The following BRAF variants were observed in gnomAD, a reference collection of about 807,000 sequenced individuals.
BRAF encodes the protein serine/threonine-protein kinase B-raf.
In BRAF, 16 loss-of-function variants were observed where a neutral mutation model predicts 104.6. The observed-to-expected ratio is 0.15, with a 90% CI of 0.10 to 0.23. The LOEUF is 0.23. BRAF is among the 10% of genes least tolerant of loss of function. The pLI is 1.00. For missense variants in BRAF, 541 were observed against 937.3 expected (o/e 0.58, Z 5.52); for synonymous variants, 310 against 341.6 (o/e 0.91, Z 1.02).
At chr7:140,772,690 G>T (rs60144069) in intron 14 of BRAF, among the ~76,000 whole-genome samples, 12,328 of 152,000 alleles carry the variant, frequency 0.081, 1,633 homozygotes, top group African/African-American at 0.28. Flanking sequence ...AAGAAAACAG[G>T]AATATCCACT....
chr7:140,764,833 T>C (rs967857408), intron 14 of BRAF, among the ~76,000 whole-genome samples: 6 of 152,240 alleles, frequency 3.9e-5, no homozygotes, highest in Admixed American at 1.3e-4. Context: ...TCCATGCTCA[T>C]GGGTAGAAGA....
At chr7:140,781,490 T>C in intron 12 of BRAF, 86 bp downstream of exon 11, 1 of 1,255,032 alleles carries the variant, frequency 8.0e-7, no homozygotes, top group Admixed American at 1.7e-5. Context: ...AGTGAATATT[T>C]CCTTTGATGA....
At chr7:140,896,562 C>A (rs1245251700) in intron 1 of BRAF, among the ~76,000 whole-genome samples, 1 of 151,916 alleles carries the variant, frequency 6.6e-6, no homozygotes, top group Non-Finnish European at 1.5e-5. Context: ...AATCCTGTCT[C>A]TACTAAAAAT....
chr7:140,863,612 G>C (rs1810636340), intron 1 of BRAF, among the ~76,000 whole-genome samples: 1 of 152,210 alleles, frequency 6.6e-6, no homozygotes. Flanking sequence ...GGTGGGGCCT[G>C]GTTGGAGGTG....
chr7:140,922,693 G>C (rs936586855), intron 1 of BRAF, among the ~76,000 whole-genome samples: 8 of 152,158 alleles, frequency 5.3e-5, no homozygotes, highest in African/African-American at 1.9e-4. Context: ...CCGATTCCTG[G>C]AGAAAACAGA....
At chr7:140,923,966 C>G (rs1326657485) in intron 1 of BRAF, among the ~76,000 whole-genome samples, 1 of 151,964 alleles carries the variant, frequency 6.6e-6, no homozygotes, top group Non-Finnish European at 1.5e-5. Flanking sequence ...TCGGAAACTG[C>G]GATTTAGGAT....
At chr7:140,826,708 G>C (rs1319612927) in intron 3 of BRAF, among the ~76,000 whole-genome samples, 1 of 152,162 alleles carries the variant, frequency 6.6e-6, no homozygotes, top group South Asian at 2.1e-4. Flanking sequence ...GCGTGGGTTT[G>C]CGGGGGAAGT....
intron 14 of BRAF, among the ~76,000 whole-genome samples, chr7:140,759,528 A>C (rs755538880): frequency 3.5e-4 from 54 of 152,226 alleles, no homozygotes; most frequent in Non-Finnish European, 6.8e-4. Flanking sequence ...CTGGGATTAC[A>C]GGCAAGTACC....
intron 1 of BRAF, among the ~76,000 whole-genome samples, chr7:140,867,285 G>A (rs1811073414): frequency 6.6e-6 from 1 of 152,124 alleles, no homozygotes; most frequent in Non-Finnish European, 1.5e-5. Context: ...ATAAGAAGTA[G>A]AAGAAATATT....
At position 140,762,189 on chromosome 7, in the gene BRAF, G is replaced by C. The variant is rs564665821; in HGVS notation, c.1815-7956C>G. Among the ~76,000 whole-genome samples, 521 of 152,232 alleles carry C rather than the reference G, an allele frequency of 3.4e-3. 3 individuals are homozygous for C. Among genetic ancestry groups the C allele is most frequent in the African/African-American group, 0.012 (494 of 41,536 alleles). ...AAGAACAGAAATTATAACAAACTGT[G>C]TCTCAGACCACAGTGCAATCTAACT... On this transcript the variant is annotated intron_variant, in intron 14 of 19. Transcript: ENST00000644969.
intron 19 of BRAF, chr7:140,734,443 G>T: frequency 2.0e-6 from 3 of 1,535,416 alleles, no homozygotes; most frequent in South Asian, 1.3e-5. Context: ...TTTTAGTTTG[G>T]GGAAAAATTA....
intron 3 of BRAF, among the ~76,000 whole-genome samples, chr7:140,827,378 C>T (rs561374678): frequency 2.9e-4 from 44 of 152,286 alleles, no homozygotes; most frequent in African/African-American, 1.1e-3. Context: ...ACTCCAAGAC[C>T]AGTCGTTATG....
chr7:140,781,498 T>G (rs1206064490), intron 12 of BRAF, 78 bp downstream of exon 11: 8 of 1,286,648 alleles, frequency 6.2e-6, no homozygotes, highest in African/African-American at 1.5e-5. Flanking sequence ...TTTCCTTTGA[T>G]GATATTTTTT....
At chr7:140,903,759 G>A (rs1254718360) in intron 1 of BRAF, among the ~76,000 whole-genome samples, 3 of 152,178 alleles carry the variant, frequency 2.0e-5, no homozygotes, top group Non-Finnish European at 4.4e-5. Flanking sequence ...AGGTAAAACT[G>A]GCAACATTAA....
intron 1 of BRAF, among the ~76,000 whole-genome samples, chr7:140,913,469 C>CTTTTTTTTTTTTTTTTT (rs369746551): frequency 1.8e-5 from 1 of 56,998 alleles, no homozygotes; most frequent in African/African-American, 7.5e-5. Context: ...TTAATCACAG[C>CTTTTTTTTTTTTTTTTT]TTTTTTTTTT....
intron 1 of BRAF, among the ~76,000 whole-genome samples, chr7:140,909,802 C>T (rs544766230): frequency 4.0e-5 from 6 of 148,714 alleles, no homozygotes; most frequent in South Asian, 2.1e-4. Flanking sequence ...AGCGAAACTC[C>T]GTCTCAAAAC....
chr7:140,826,944 C>G (rs968415781), intron 3 of BRAF, among the ~76,000 whole-genome samples: 1 of 152,184 alleles, frequency 6.6e-6, no homozygotes, highest in African/African-American at 2.4e-5. Flanking sequence ...TGGTCTTGTA[C>G]AGTGTGGAAT....
chr7:140,898,789 T>TA, intron 1 of BRAF, among the ~76,000 whole-genome samples: 1 of 152,354 alleles, frequency 6.6e-6, no homozygotes, highest in Non-Finnish European at 1.5e-5. Context: ...TCTCTACTTA[T>TA]AATTCTAGTA....
chr7:140,795,653 C>T (rs1802420837), intron 7 of BRAF, among the ~76,000 whole-genome samples: 1 of 152,100 alleles, frequency 6.6e-6, no homozygotes, highest in Admixed American at 6.5e-5. Context: ...CTGAACCACA[C>T]CAGTTCACAA....
Sources: allele counts gnomAD v4.1 joint callset (sites outside exome capture counted in the v4.1 genomes callset), GRCh38; gene constraint gnomAD v4.1.1; transcripts MANE v1.5; gene names NCBI Gene and HGNC (gene_info 2026-07-23, HGNC 2026-07-21).